ZNF329: variants seen among roughly 807,000 people sequenced by gnomAD.
ZNF329 encodes the protein zinc finger protein 329.
A neutral mutation model predicts 26.6 loss-of-function variants in ZNF329; 15 were observed. The ratio of observed to expected loss-of-function variants is 0.56; its 90% CI spans 0.38 to 0.87. The LOEUF (loss-of-function observed/expected upper bound fraction) is 0.87, where lower values mean the gene tolerates loss of function less well. Among genes scored for constraint, ZNF329 ranks in the 40% least tolerant of loss-of-function variants. The probability of loss-of-function intolerance (pLI) is 0.00; values close to 1 mark genes in which losing one functional copy is unlikely to be tolerated. For missense variants in ZNF329, 651 were observed against 651.9 expected (o/e 1.00, Z 0.02); for synonymous variants, 239 against 233.5 (o/e 1.02, Z -0.21).
In ZNF329 at chr19:58,127,004, T is replaced by C. The variant is rs530920501; in HGVS notation, c.*874A>G. 1.3e-5 allele frequency: 2 copies of C among 152,306 alleles called. No individual in the cohort carries two copies. The highest frequency in any genetic ancestry group is 4.8e-5 in the African/African-American group (2 of 41,564). 9.4% of individuals were successfully genotyped at this position (152,306 alleles called of 1,614,324 possible). A position where few individuals can be genotyped will look rare whatever the true frequency, so the allele number is the denominator to read the frequency against. ...ACTTCATTGTTCATTCACAGGTAAT[T>C]TATTCACCTAGTTTGCCCTCCTGCA... is the stretch of plus-strand genomic sequence containing the variant. On this transcript the variant is annotated 3_prime_UTR_variant, in exon 4 of 4. Coordinates refer to ENST00000598312, the MANE Select transcript of ZNF329 (RefSeq NM_024620.4).
rs2074829207 is a variant in ZNF329 at position 58,127,598 on chromosome 19, T to C, written c.*280A>G. On this transcript the variant is annotated 3_prime_UTR_variant, in exon 4 of 4. Coordinates refer to ENST00000598312, the MANE Select transcript of ZNF329 (RefSeq NM_024620.4). Reference sequence around the variant, plus strand: ...ATGCATTCACAGGTTCTCTCTGTGGTGTCACCCCCATGTTTGCACATTTCA... The same window carrying C: ...ATGCATTCACAGGTTCTCTCTGTGGCGTCACCCCCATGTTTGCACATTTCA... 5.7e-6 allele frequency: 2 copies of C among 353,340 alleles called. No homozygotes were observed. Among genetic ancestry groups the C allele is most frequent in the South Asian group, 1.0e-4 (1 of 9,636 alleles). The allele number at this position is 353,340 out of a possible 1,614,324, so 21.9% of individuals were successfully genotyped here.
intron 1 of ZNF329, 49 bp downstream of exon 1, chr19:58,150,703 C>G (rs998666320): frequency 6.5e-6 from 1 of 152,756 alleles, no homozygotes; most frequent in Non-Finnish European, 1.5e-5. Flanking sequence ...AGACTTCCCT[C>G]CGCAGGAAAC....
chr19:58,154,272 G>A (rs1163322702), upstream of ZNF329, among the ~76,000 whole-genome samples: 2 of 152,206 alleles, frequency 1.3e-5, no homozygotes, highest in Non-Finnish European at 2.9e-5. Context: ...GCCACCCAAA[G>A]TGCCGGGATT....
intron 1 of ZNF329, among the ~76,000 whole-genome samples, chr19:58,146,490 G>A (rs2075311165): frequency 1.6e-5 from 2 of 123,650 alleles, no homozygotes; most frequent in African/African-American, 3.1e-5. Flanking sequence ...AAAAAAGTAG[G>A]TGGTACCTGG....
In ZNF329 at chr19:58,129,643, C is replaced by A. The variant is rs1274463460; in HGVS notation, c.-8-132G>T. 5 of 837,258 alleles carry A rather than the reference C, an allele frequency of 6.0e-6. 1 individual carries two copies. The highest frequency in any genetic ancestry group is 6.0e-4 in the Middle Eastern group (2 of 3,306). 51.9% of individuals were successfully genotyped at this position (837,258 alleles called of 1,614,324 possible). Reference sequence around the variant, plus strand: ...TTTCTCTTTTAAATTCAAATTTATACAAGGAAGAGGTAAAATCGTAGCCAA... The same window carrying A: ...TTTCTCTTTTAAATTCAAATTTATAAAAGGAAGAGGTAAAATCGTAGCCAA... On this transcript the variant is annotated intron_variant, in intron 3 of 3. Transcript: ENST00000598312.
intron 1 of ZNF329, 103 bp from the exon 2 acceptor site, chr19:58,143,301 AG>A (rs397859267): frequency 1.1e-5 from 1 of 88,942 alleles, no homozygotes; most frequent in Non-Finnish European, 2.8e-5. Flanking sequence ...CATTTGAGTA[AG>A]AGAGGAGCTA....
At chr19:58,153,998 C>A (rs115511475), upstream of ZNF329, among the ~76,000 whole-genome samples, 1 of 141,042 alleles carries the variant, frequency 7.1e-6, no homozygotes, top group Non-Finnish European at 1.6e-5. Context: ...GCCTGGCCAA[C>A]ATATGTGATT....
intron 1 of ZNF329, among the ~76,000 whole-genome samples, chr19:58,143,725 TCACA>T (rs2075235662): frequency 6.6e-6 from 1 of 152,080 alleles, no homozygotes; most frequent in Admixed American, 6.6e-5. Context: ...TCACTCACGC[TCACA>T]CACAGGCTTA....
In ZNF329 at chr19:58,129,089, T is replaced by C. The variant is rs2074874568; in HGVS notation, c.415A>G (p.Arg139Gly). The part of the protein sequence containing the change: ...FNHSMEVIHG[R>G]NPVREKPYKY... ...TAGGGCTTCTCTCTCACTGGATTTC[T>C]TCCATGAATAACTTCCATGGAATGG... Residue 139 changes from arginine (R) to glycine (G), a missense_variant, in exon 4 of 4, where the codon AGA becomes GGA. Arg to Gly is a moderately radical substitution (Grantham distance 125). Transcript: ENST00000598312. The C allele has an allele frequency of 6.2e-7, 1 of 1,613,946 alleles. No homozygotes were observed. The highest frequency in any genetic ancestry group is 8.5e-7 in the Non-Finnish European group (1 of 1,180,042).
chr19:58,146,980 G>C (rs1280388114), intron 1 of ZNF329, among the ~76,000 whole-genome samples: 1 of 152,118 alleles, frequency 6.6e-6, no homozygotes, highest in East Asian at 1.9e-4. Context: ...CACCCTGTCT[G>C]GGAAGTGAGG....
At chr19:58,137,074 A>C (rs1364203144) in intron 3 of ZNF329, 2 of 158,510 alleles carry the variant, frequency 1.3e-5, no homozygotes, top group African/African-American at 5.0e-5. Context: ...AAAAAAAAAA[A>C]CAGTTTAAAC....
chr19:58,146,013 AAAG>A (rs1185733622), intron 1 of ZNF329, among the ~76,000 whole-genome samples: 1 of 152,050 alleles, frequency 6.6e-6, no homozygotes, highest in African/African-American at 2.4e-5. Flanking sequence ...AAAAAAAAAA[AAAG>A]AAAGGAGAGT....
At chr19:58,141,467 G>A (rs998730378) in intron 3 of ZNF329, among the ~76,000 whole-genome samples, 2 of 151,854 alleles carry the variant, frequency 1.3e-5, no homozygotes, top group African/African-American at 4.8e-5. Context: ...CCTAATTTTT[G>A]TATTTTCAGT....
At chr19:58,138,814 C>T (rs574916657) in intron 3 of ZNF329, among the ~76,000 whole-genome samples, 13 of 151,994 alleles carry the variant, frequency 8.6e-5, no homozygotes, top group African/African-American at 2.4e-4. Flanking sequence ...CTGGCAGACA[C>T]GGCCAAACCC....
Position 58,128,139 on chromosome 19 carries a change from A to G in ZNF329, c.1365T>C (p.Tyr455=). The change falls in exon 4 of 4, where the codon TAT becomes TAC. Residue 455 remains tyrosine, a synonymous_variant. Coordinates refer to ENST00000598312, the MANE Select transcript of ZNF329 (RefSeq NM_024620.4). ...HQRTHTGEKP[Y]ECNQCGKAFR... ...AGGCTTTGCCACACTGATTACACTC[A>G]TAGGGCTTCTCACCAGTATGAGTCC... is the stretch of plus-strand genomic sequence containing the variant. 1 of 1,590,706 alleles carries G rather than the reference A, an allele frequency of 6.3e-7. No homozygotes were observed. Among genetic ancestry groups the G allele is most frequent in the Non-Finnish European group, 8.6e-7 (1 of 1,169,266 alleles).
chr19:58,152,090 T>A (rs157376), upstream of ZNF329, among the ~76,000 whole-genome samples: 121,449 of 152,166 alleles, frequency 0.8, 48,821 homozygotes, highest in Non-Finnish European at 0.86. Flanking sequence ...TAGTGATGGT[T>A]GGAGCAACTT....
chr19:58,150,485 A>G (rs2075426235), intron 1 of ZNF329, among the ~76,000 whole-genome samples: 1 of 152,244 alleles, frequency 6.6e-6, no homozygotes, highest in Admixed American at 6.5e-5. Flanking sequence ...CTAAGGAAAG[A>G]GCGGGGGCGT....
At chr19:58,138,665 G>T (rs111612461) in intron 3 of ZNF329, among the ~76,000 whole-genome samples, 2 of 152,290 alleles carry the variant, frequency 1.3e-5, no homozygotes, top group South Asian at 4.1e-4. Flanking sequence ...GCACCTCCCC[G>T]CACGTTTGTG....
chr19:58,128,569 TC>T lies in ZNF329; in HGVS notation c.934del (p.Glu312LysfsTer159). Reference protein sequence around the residue: ...LILHQRTHTGEKPYRCNECGK... With the variant: ...LILHQRTHTGXKPYRCNECGK... ...ACATTCGTTACATCTATATGGTTTTTCCCCTGTATGAGTTCTTTGGTGCAAA... is the reference window on the plus strand; with the variant it reads ...ACATTCGTTACATCTATATGGTTTTTCCCTGTATGAGTTCTTTGGTGCAAA... On this transcript the variant is annotated frameshift_variant, in exon 4 of 4. Transcript: ENST00000598312. LOFTEE classifies it high-confidence loss of function. 1.2e-6 allele frequency: 2 copies of T among 1,614,044 alleles called. No homozygotes were observed. The highest frequency in any genetic ancestry group is 1.7e-6 in the Non-Finnish European group (2 of 1,179,942).
Sources: allele counts gnomAD v4.1 joint callset (sites outside exome capture counted in the v4.1 genomes callset), GRCh38; gene constraint gnomAD v4.1.1; transcripts MANE v1.5; gene names NCBI Gene and HGNC (gene_info 2026-07-23, HGNC 2026-07-21).